SORCS2: variants seen among roughly 807,000 people sequenced by gnomAD.
The protein encoded by SORCS2 is VPS10 domain-containing receptor SorCS2.
SORCS2 carries 100 observed loss-of-function variants against 141.6 expected under a neutral mutation model. The ratio of observed to expected loss-of-function variants is 0.71; its 90% CI spans 0.60 to 0.83. The LOEUF is 0.83. SORCS2 is among the 40% of genes least tolerant of loss of function. The pLI is 0.00. For missense variants in SORCS2, 1,646 were observed against 1,560.2 expected (o/e 1.05, Z -0.93); for synonymous variants, 789 against 676.9 (o/e 1.17, Z -2.57).
Position 7,207,671 on chromosome 4 carries a change from T to C in SORCS2, c.480+14545T>C, listed in dbSNP as rs538630708. On this transcript the variant is annotated intron_variant, in intron 1 of 26. Coordinates refer to ENST00000507866, the MANE Select transcript of SORCS2 (RefSeq NM_020777.3). Reference sequence around the variant, plus strand: ...TTCAGTCCCAGGGAAGACTGCACTGTTGTCCCCTAATCAGAATGTGCCTTC... The same window carrying C: ...TTCAGTCCCAGGGAAGACTGCACTGCTGTCCCCTAATCAGAATGTGCCTTC... Among the ~76,000 whole-genome samples the C allele has an allele frequency of 2.6e-5, 4 of 152,342 alleles. No homozygotes were observed. In the East Asian group the frequency reaches 7.7e-4, roughly 29 times the overall value.
chr4:7,314,179 G>A (rs2108928194), intron 1 of SORCS2, among the ~76,000 whole-genome samples: 1 of 152,308 alleles, frequency 6.6e-6, no homozygotes, highest in South Asian at 2.1e-4. Context: ...GCCAAGCCAA[G>A]TGGGGTCGGA....
At position 7,682,764 on chromosome 4, in the gene SORCS2, T is replaced by A; in HGVS notation, c.1363T>A (p.Phe455Ile). ...ILEVRGVKGV[F>I]LANQKIDGKV... ...CCAGGTCAGAGGGGTGAAAGGAGTCTTCCTGGCAAACCAAAAAATTGATGG... is the reference window on the plus strand; with the variant it reads ...CCAGGTCAGAGGGGTGAAAGGAGTCATCCTGGCAAACCAAAAAATTGATGG... The change falls in exon 10 of 27, where the codon TTC becomes ATC. Residue 455 changes from phenylalanine (F) to isoleucine (I), a missense_variant. Physicochemically the swap from Phe to Ile is conservative, Grantham distance 21. Transcript: ENST00000507866. 2 of 1,611,594 alleles carry A rather than the reference T, an allele frequency of 1.2e-6. No individual in the cohort carries two copies. The highest frequency in any genetic ancestry group is 1.7e-6 in the Non-Finnish European group (2 of 1,178,840).
At chr4:7,338,611 C>T (rs1720171782) in intron 1 of SORCS2, among the ~76,000 whole-genome samples, 1 of 152,180 alleles carries the variant, frequency 6.6e-6, no homozygotes, top group Non-Finnish European at 1.5e-5. Flanking sequence ...TGATACAGTG[C>T]TCTTTCTGTT....
intron 2 of SORCS2, among the ~76,000 whole-genome samples, chr4:7,524,715 A>G (rs1253515718): frequency 2.0e-5 from 3 of 151,368 alleles, no homozygotes; most frequent in East Asian, 2.0e-4. Flanking sequence ...CCTTAACCGC[A>G]TCTCTCTTCC....
At chr4:7,598,547 A>G (rs190487276) in intron 3 of SORCS2, among the ~76,000 whole-genome samples, 1 of 152,300 alleles carries the variant, frequency 6.6e-6, no homozygotes, top group African/African-American at 2.4e-5. Context: ...ATAGATGTCC[A>G]TGAAAAACTC....
intron 3 of SORCS2, among the ~76,000 whole-genome samples, chr4:7,548,549 G>A (rs988055228): frequency 6.6e-6 from 1 of 152,192 alleles, no homozygotes; most frequent in Admixed American, 6.5e-5. Flanking sequence ...ACAAAGGGAG[G>A]CCCAGCACAG....
At chr4:7,640,931 G>A (rs1366990751) in intron 4 of SORCS2, among the ~76,000 whole-genome samples, 1 of 152,160 alleles carries the variant, frequency 6.6e-6, no homozygotes, top group South Asian at 2.1e-4. Context: ...AGAGGAAAGA[G>A]GCTGTGGAAC....
intron 2 of SORCS2, among the ~76,000 whole-genome samples, chr4:7,410,227 T>C (rs1377983921): frequency 6.6e-6 from 1 of 152,248 alleles, no homozygotes; most frequent in Non-Finnish European, 1.5e-5. Flanking sequence ...GATTAGGCTG[T>C]TCTTGGTAGA....
Position 7,193,576 on chromosome 4 carries a change from C to T in SORCS2, c.480+450C>T, listed in dbSNP as rs1260582233. ...CCTCCCTGGTCTACCAGGGACTCCGCGGTGGCGCCTCCGCAGGCTCCGGGA... is the reference window on the plus strand; with the variant it reads ...CCTCCCTGGTCTACCAGGGACTCCGTGGTGGCGCCTCCGCAGGCTCCGGGA... On this transcript the variant is annotated intron_variant, in intron 1 of 26. Transcript: ENST00000507866. The surrounding 1 kb of genome is among the most constrained non-coding windows in gnomAD (Gnocchi z 4.8). Among the ~76,000 whole-genome samples the T allele has an allele frequency of 6.6e-6, 1 of 152,184 alleles. No homozygotes were observed. The highest frequency in any genetic ancestry group is 1.5e-5 in the Non-Finnish European group (1 of 68,038).
At chr4:7,733,613 G>T (rs1711890518) in intron 24 of SORCS2, among the ~76,000 whole-genome samples, 192 bp downstream of exon 24, 1 of 152,224 alleles carries the variant, frequency 6.6e-6, no homozygotes, top group Non-Finnish European at 1.5e-5. Flanking sequence ...GCCCCATGGA[G>T]CACTGCTCTT....
chr4:7,388,093 CACAT>C (rs1560242633), intron 1 of SORCS2, among the ~76,000 whole-genome samples: 2 of 142,726 alleles, frequency 1.4e-5, no homozygotes, highest in African/African-American at 2.7e-5. Flanking sequence ...CACATGCACA[CACAT>C]GCATGCACAG....
intron 2 of SORCS2, among the ~76,000 whole-genome samples, chr4:7,494,194 C>T (rs1277830678): frequency 1.3e-5 from 2 of 152,180 alleles, no homozygotes; most frequent in East Asian, 1.9e-4. Flanking sequence ...CTCTTCTTGG[C>T]GTCACTTCCC....
At chr4:7,465,119 G>A (rs1434906665) in intron 2 of SORCS2, among the ~76,000 whole-genome samples, 5 of 152,196 alleles carry the variant, frequency 3.3e-5, no homozygotes, top group Non-Finnish European at 7.3e-5. Flanking sequence ...AATGACACCC[G>A]GGGCCGCTGG....
intron 2 of SORCS2, among the ~76,000 whole-genome samples, chr4:7,460,382 C>T (rs1245695951): frequency 6.6e-6 from 1 of 152,248 alleles, no homozygotes; most frequent in Non-Finnish European, 1.5e-5. Context: ...CTGCACACTT[C>T]TAAGGTCCAG....
At chr4:7,681,999 A>C (rs1366725496) in intron 9 of SORCS2, among the ~76,000 whole-genome samples, 1 of 152,126 alleles carries the variant, frequency 6.6e-6, no homozygotes, top group Non-Finnish European at 1.5e-5. Flanking sequence ...TACGGGTCAA[A>C]ACCCTCCATG....
chr4:7,603,024 T>C lies in SORCS2; in HGVS notation c.649-35304T>C, dbSNP rs1317264402. ...AAATACAAAAACCAGTCAGGCGTGG[T>C]GGTGTGCGCCTGCAATCGCAGGCAC... is the stretch of plus-strand genomic sequence containing the variant. On this transcript the variant is annotated intron_variant, in intron 3 of 26. Coordinates refer to ENST00000507866, the MANE Select transcript of SORCS2 (RefSeq NM_020777.3). 3.3e-5 allele frequency among the ~76,000 whole-genome samples: 5 copies of C among 152,232 alleles called. No homozygotes were observed. In the East Asian group the frequency reaches 9.7e-4, roughly 29 times the overall value.
In SORCS2 at chr4:7,381,958, G is replaced by A. The variant is rs1723016380; in HGVS notation, c.481-14330G>A. 4 of 985,810 alleles carry A rather than the reference G, an allele frequency of 4.1e-6. No individual in the cohort carries two copies. The African/African-American group carries it at 5.2e-5, about 13-fold the overall frequency. 61.1% of individuals were successfully genotyped at this position (985,810 alleles called of 1,614,324 possible). On this transcript the variant is annotated intron_variant, in intron 1 of 26. Transcript: ENST00000507866. ...CTCTCCATTCCACTAGCCTCTCTGG[G>A]CCAGGCCTGTGGAGTCTCCAGAGGA... is the stretch of plus-strand genomic sequence containing the variant.
intron 5 of SORCS2, among the ~76,000 whole-genome samples, chr4:7,655,099 C>G (rs141514494): frequency 4.6e-5 from 7 of 152,222 alleles, no homozygotes; most frequent in Admixed American, 4.6e-4. Flanking sequence ...AGGCCTGCCT[C>G]TCTCCTGCTG....
rs191903599 is a variant in SORCS2 at position 7,734,800 on chromosome 4, C to T, written c.3311+426C>T. ...GGCCCGCCCACATCCCAGGGTTCCT[C>T]GGCCGCCCGCCCATCCCTTCCCTCC... On this transcript the variant is annotated intron_variant, in intron 25 of 26. Coordinates refer to ENST00000507866, the MANE Select transcript of SORCS2 (RefSeq NM_020777.3). 6.0e-3 allele frequency among the ~76,000 whole-genome samples: 907 copies of T among 152,314 alleles called. 4 individuals carry two copies. The highest frequency in any genetic ancestry group is 9.3e-3 in the Non-Finnish European group (631 of 68,016).
Sources: allele counts gnomAD v4.1 joint callset (sites outside exome capture counted in the v4.1 genomes callset), GRCh38; gene constraint gnomAD v4.1.1; non-coding constraint Gnocchi (gnomAD v3.1); transcripts MANE v1.5; gene names NCBI Gene and HGNC (gene_info 2026-07-23, HGNC 2026-07-21).